The following DBNL variants were observed in gnomAD, a reference collection of about 807,000 sequenced individuals.
The protein encoded by DBNL is drebrin-like protein.
A neutral mutation model predicts 62.2 loss-of-function variants in DBNL; 35 were observed. The ratio of observed to expected loss-of-function variants is 0.56; its 90% confidence interval spans 0.43 to 0.75. The LOEUF is 0.75. DBNL is among the 30% of genes least tolerant of loss of function. The pLI is 0.00. For synonymous variants in DBNL, 197 were observed against 218.0 expected (o/e 0.90, Z 0.85); for missense variants, 495 against 578.4 (o/e 0.86, Z 1.48).
Position 44,065,894 on chromosome 7 carries a change from C to T in DBNL, c.*4978C>T. 1 of 399,136 alleles carries T rather than the reference C, an allele frequency of 2.5e-6. No individual in the cohort carries two copies. The highest frequency in any genetic ancestry group is 2.3e-5 in the South Asian group (1 of 42,782). The allele number at this position is 399,136 out of a possible 1,614,324, so 24.7% of individuals were successfully genotyped here. On this transcript the variant is annotated 3_prime_UTR_variant, in exon 13 of 13. Coordinates refer to ENST00000448521, the MANE Select transcript of DBNL (RefSeq NM_001014436.3). ...GGATAGCAGGGACAGAGGGGCTCTC[C>T]AGGGCAACGCTCAGTGGCCTATCAG...
chr7:44,056,731 T>C, intron 4 of DBNL, 26 bp from the exon 5 acceptor site: 1 of 1,613,532 alleles, frequency 6.2e-7, no homozygotes, highest in Non-Finnish European at 8.5e-7. Flanking sequence ...GCAAAGCCCT[T>C]CTTTCAAGTG....
At position 44,058,250 on chromosome 7, in the gene DBNL, A is replaced by G. The variant is rs1278325084; in HGVS notation, c.674A>G (p.Gln225Arg). The G allele has an allele frequency of 1.3e-6, 2 of 1,579,134 alleles. No homozygotes were observed. The highest frequency in any genetic ancestry group is 2.3e-5 in the East Asian group (1 of 43,680). The change falls in exon 7 of 13, where the codon CAG becomes CGG. Residue 225 changes from glutamine (Q) to arginine (R), a missense_variant. Transcript: ENST00000448521. Reference protein sequence around the residue: ...REAARREQRYQEQGGEASPQR... With the variant: ...REAARREQRYREQGGEASPQR... ...GCTGCACGCCGGGAGCAGCGCTATC[A>G]GGAGCAGGGTGGCGAGGCCAGCCCC... is the stretch of plus-strand genomic sequence containing the variant.
At chr7:44,057,747 G>A in intron 5 of DBNL, 35 bp from the exon 6 acceptor site, 1 of 1,612,622 alleles carries the variant, frequency 6.2e-7, no homozygotes, top group Non-Finnish European at 8.5e-7. Flanking sequence ...CCTTCCACCT[G>A]GGTCCAGGTC....
In DBNL at chr7:44,065,382, T is replaced by G. The variant is rs151308911; in HGVS notation, c.*4466T>G. On this transcript the variant is annotated 3_prime_UTR_variant, in exon 13 of 13. Transcript: ENST00000448521. ...GACGTGTAGCAGATGTCAAACTCCA[T>G]CTTGGCATCCTTGATGGCCTTGGCT... 137 of 1,613,952 alleles carry G rather than the reference T, an allele frequency of 8.5e-5. No homozygotes were observed. Among genetic ancestry groups the G allele is most frequent in the Admixed American group, 5.0e-4 (30 of 60,014 alleles).
In DBNL at chr7:44,069,293, T is replaced by C. The variant is rs1243559135; in HGVS notation, c.*8377T>C. The C allele has an allele frequency of 2.0e-5, 3 of 152,236 alleles. No individual in the cohort carries two copies. Among genetic ancestry groups the C allele is most frequent in the Non-Finnish European group, 4.4e-5 (3 of 68,046 alleles). 9.4% of individuals were successfully genotyped at this position (152,236 alleles called of 1,614,324 possible). On this transcript the variant is annotated 3_prime_UTR_variant, in exon 13 of 13. Coordinates refer to ENST00000448521, the MANE Select transcript of DBNL (RefSeq NM_001014436.3). ...ATGTGATGGTTGAATTAAGTCATGA[T>C]ACTGTCTGATGGAGGCTTCAGTGTA...
At chr7:44,058,758 C>T in intron 8 of DBNL, 144 bp from the exon 9 acceptor site, 1 of 934,892 alleles carries the variant, frequency 1.1e-6, no homozygotes, top group Non-Finnish European at 1.6e-6. Context: ...TTTTAAATGA[C>T]TTCTCTCCTG....
rs780537212 is a variant in DBNL, at chr7:44,059,346, G to A, written c.836-8G>A. On this transcript the variant is annotated splice_region_variant and splice_polypyrimidine_tract_variant and intron_variant, in intron 9 of 12. Coordinates refer to ENST00000448521, the MANE Select transcript of DBNL (RefSeq NM_001014436.3). This position sits in a 1 kb window ranked among gnomAD's most constrained non-coding sequence, Gnocchi z 4.1. ...TGAAGTGATGTATATATTTACCCGG[G>A]TTTGCAGGCAAGCTGAGGAGCCCCT... 3.7e-6 allele frequency: 6 copies of A among 1,613,688 alleles called. No homozygotes were observed. The East Asian group carries it at 1.1e-4, about 30-fold the overall frequency.
At position 44,063,171 on chromosome 7, in the gene DBNL, G is replaced by T; in HGVS notation, c.*2255G>T. ...GGACTTCAGCCCCACCCAAGTGGCT[G>T]TGATCTGTGGTGGTGCTGTCCATAG... On this transcript the variant is annotated 3_prime_UTR_variant, in exon 13 of 13. Coordinates refer to ENST00000448521, the MANE Select transcript of DBNL (RefSeq NM_001014436.3). The T allele has an allele frequency of 1.8e-6, 1 of 557,806 alleles. No homozygotes were observed. Among genetic ancestry groups the T allele is most frequent in the Middle Eastern group, 4.8e-4 (1 of 2,074 alleles). The allele number at this position is 557,806 out of a possible 1,614,324, so 34.6% of individuals were successfully genotyped here.
chr7:44,061,161 C>T lies in DBNL; in HGVS notation c.*245C>T. 1 of 544,478 alleles carries T rather than the reference C, an allele frequency of 1.8e-6. No individual in the cohort carries two copies. The highest frequency in any genetic ancestry group is 3.2e-6 in the Non-Finnish European group (1 of 313,892). The allele number at this position is 544,478 out of a possible 1,614,324, so 33.7% of individuals were successfully genotyped here. ...CAGACAGCTTGGCTCTTGCCCCTGA[C>T]AGGATACTGAGCCAAGCCCTGCCTG... On this transcript the variant is annotated 3_prime_UTR_variant, in exon 13 of 13. Coordinates refer to ENST00000448521, the MANE Select transcript of DBNL (RefSeq NM_001014436.3).
In DBNL at chr7:44,059,245, G is replaced by A. The variant is rs780756286; in HGVS notation, c.836-109G>A. ...GGCCTCTGTTCCTGCACTAGCAAGA[G>A]CAAGCCCCATGAGACTGCCTCGAGC... is the stretch of plus-strand genomic sequence containing the variant. On this transcript the variant is annotated intron_variant, in intron 9 of 12. Transcript: ENST00000448521. This position sits in a 1 kb window ranked among gnomAD's most constrained non-coding sequence, Gnocchi z 4.1. The A allele has an allele frequency of 9.4e-6, 11 of 1,168,146 alleles. No homozygotes were observed. Among genetic ancestry groups the A allele is most frequent in the Non-Finnish European group, 1.3e-5 (11 of 818,818 alleles). The allele number at this position is 1,168,146 out of a possible 1,614,324, so 72.4% of individuals were successfully genotyped here.
chr7:44,065,807 C>G lies in DBNL; in HGVS notation c.*4891C>G. ...AACCAGCTGGCACCCAGAGCCCAGA[C>G]TGAGTGGGGCTGCTGGTCAGGGATG... On this transcript the variant is annotated 3_prime_UTR_variant, in exon 13 of 13. Transcript: ENST00000448521. 1 of 541,124 alleles carries G rather than the reference C, an allele frequency of 1.8e-6. No individual in the cohort carries two copies. The highest frequency in any genetic ancestry group is 3.3e-6 in the Non-Finnish European group (1 of 299,016). The allele number at this position is 541,124 out of a possible 1,614,324, so 33.5% of individuals were successfully genotyped here.
In DBNL at chr7:44,062,560, G is replaced by T; in HGVS notation, c.*1644G>T. The T allele has an allele frequency of 1.7e-6, 1 of 604,714 alleles. No individual in the cohort carries two copies. Among genetic ancestry groups the T allele is most frequent in the Non-Finnish European group, 3.0e-6 (1 of 337,942 alleles). 37.5% of individuals were successfully genotyped at this position (604,714 alleles called of 1,614,324 possible). Reference sequence around the variant, plus strand: ...CTGACTGCAAACTCATGGAGTGGTTGCAGCCCTGGCTCAGTGTCCTGATGA... The same window carrying T: ...CTGACTGCAAACTCATGGAGTGGTTTCAGCCCTGGCTCAGTGTCCTGATGA... On this transcript the variant is annotated 3_prime_UTR_variant, in exon 13 of 13. Coordinates refer to ENST00000448521, the MANE Select transcript of DBNL (RefSeq NM_001014436.3).
chr7:44,065,313 C>T lies in DBNL; in HGVS notation c.*4397C>T, dbSNP rs148629845. On this transcript the variant is annotated 3_prime_UTR_variant, in exon 13 of 13. Transcript: ENST00000448521. ...ACAGGCAGCCACATCTGGTCCGTGC[C>T]GTCCAGGATGGCCCAGAGGGTGCGG... is the stretch of plus-strand genomic sequence containing the variant. 3.1e-6 allele frequency: 5 copies of T among 1,613,704 alleles called. No homozygotes were observed. The highest frequency in any genetic ancestry group is 1.7e-5 in the Admixed American group (1 of 60,028).
intron 1 of DBNL, among the ~76,000 whole-genome samples, chr7:44,045,276 G>C (rs967925255): frequency 3.9e-5 from 6 of 152,236 alleles, no homozygotes; most frequent in Non-Finnish European, 5.9e-5. Context: ...ATTTGAGAGC[G>C]GCCTGGCAGC....
At position 44,060,848 on chromosome 7, in the gene DBNL, T is replaced by A; in HGVS notation, c.1225T>A (p.Trp409Arg). ...CATCGAGGTGATCGACGAAGGCTGG[T>A]GGCGTGGCTATGGGCCGGATGGCCA... ...TGIEVIDEGW[W>R]RGYGPDGHFG... is the part of the protein sequence containing the mutation. Residue 409 changes from tryptophan to arginine, a missense_variant, in exon 13 of 13, where the codon TGG (tryptophan) becomes AGG (arginine). Physicochemically the swap from Trp to Arg is moderately radical, Grantham distance 101 (BLOSUM62 -3). Transcript: ENST00000448521. The surrounding 1 kb of genome is among the most constrained non-coding windows in gnomAD (Gnocchi z 6.3). The A allele has an allele frequency of 6.2e-7, 1 of 1,614,032 alleles. No individual in the cohort carries two copies.
In DBNL at chr7:44,056,744, GCTC is replaced by G. The variant is rs2096137142; in HGVS notation, c.328-10_328-8del. On this transcript the variant is annotated splice_polypyrimidine_tract_variant and intron_variant, in intron 4 of 12. Transcript: ENST00000448521. ...TTGCAAAGCCCTTCTTTCAAGTGCT[GCTC>G]CTGCTGCAGGGGGCCCATGTGACCA... 2 of 1,613,610 alleles carry G rather than the reference GCTC, an allele frequency of 1.2e-6. No individual in the cohort carries two copies. Among genetic ancestry groups the G allele is most frequent in the African/African-American group, 2.7e-5 (2 of 74,914 alleles).
chr7:44,045,978 C>T (rs1241418239), intron 1 of DBNL, among the ~76,000 whole-genome samples: 1 of 152,214 alleles, frequency 6.6e-6, no homozygotes, highest in Admixed American at 6.5e-5. Context: ...TCGTCATTTC[C>T]TTGGTGGGGT....
intron 1 of DBNL, among the ~76,000 whole-genome samples, chr7:44,048,220 C>T (rs966992298): frequency 5.9e-5 from 9 of 152,148 alleles, no homozygotes; most frequent in East Asian, 1.9e-4. Context: ...TGGTTGAGTC[C>T]CTTCTTGCAA....
intron 1 of DBNL, 91 bp downstream of exon 1, chr7:44,044,911 C>G: frequency 1.6e-6 from 2 of 1,281,988 alleles, no homozygotes; most frequent in Non-Finnish European, 1.0e-6. Flanking sequence ...GGAGCGGGAG[C>G]GCGAGCGCGG....
Sources: gnomAD v4.1 joint callset for allele counts (sites outside exome capture counted in the v4.1 genomes callset) on GRCh38, gnomAD v4.1.1 for gene constraint, Gnocchi (gnomAD v3.1) non-coding constraint, MANE v1.5 for transcripts, NCBI Gene and HGNC (gene_info 2026-07-23, HGNC 2026-07-21) for gene names.